ZBTB38: variants seen among roughly 807,000 people sequenced by gnomAD.
ZBTB38 encodes the protein zinc finger and BTB domain containing 38, also known as zinc finger and BTB domain-containing protein 38.
ZBTB38 carries 20 observed loss-of-function variants against 76.8 expected under a neutral mutation model. The ratio of observed to expected loss-of-function variants is 0.26; its 90% CI spans 0.18 to 0.38. The LOEUF (loss-of-function observed/expected upper bound fraction) is 0.38. Ranked by LOEUF, ZBTB38 falls within the 10% of genes least tolerant of loss-of-function variation. ZBTB38 has a pLI of 1.00. For synonymous variants in ZBTB38, 504 were observed against 544.2 expected (o/e 0.93, Z 1.03); for missense variants, 1,082 against 1,482.3 (o/e 0.73, Z 4.43).
At chr3:141,402,589 C>T (rs1952551381) in intron 4 of ZBTB38, 1 of 151,522 alleles carries the variant, frequency 6.6e-6, no homozygotes, top group Admixed American at 6.6e-5. Context: ...CTGGGGAAAC[C>T]CTCGCAAGGG....
intron 5 of ZBTB38, among the ~76,000 whole-genome samples, chr3:141,430,292 C>G (rs2077219992): frequency 6.6e-6 from 1 of 152,114 alleles, no homozygotes; most frequent in African/African-American, 2.4e-5. Flanking sequence ...GCCTTGAACT[C>G]CTGACCTCAG....
intron 4 of ZBTB38, among the ~76,000 whole-genome samples, chr3:141,393,368 C>T (rs76309653): frequency 6.6e-6 from 1 of 152,214 alleles, no homozygotes; most frequent in East Asian, 1.9e-4. Flanking sequence ...GAGGGCCTTA[C>T]AAGCCAGTGA....
At chr3:141,419,885 G>C (rs1239640273) in intron 5 of ZBTB38, among the ~76,000 whole-genome samples, 2 of 152,194 alleles carry the variant, frequency 1.3e-5, no homozygotes, top group African/African-American at 4.8e-5. Flanking sequence ...ACTCGGGAAG[G>C]CTGAGGCAGG....
At chr3:141,367,579 C>T (rs1024467920), upstream of ZBTB38, 1 of 152,260 alleles carries the variant, frequency 6.6e-6, no homozygotes, top group Non-Finnish European at 1.5e-5. Context: ...ACTCCAGCCA[C>T]TCAGCACCGT....
At chr3:141,340,435 C>T (rs1275837070) in intron 1 of ZBTB38, among the ~76,000 whole-genome samples, 17 of 152,096 alleles carry the variant, frequency 1.1e-4, no homozygotes, top group Admixed American at 6.5e-4. Context: ...GGTATAAAGA[C>T]GACTAAGAAG....
intron 5 of ZBTB38, among the ~76,000 whole-genome samples, chr3:141,438,538 A>G (rs1242163746): frequency 6.6e-6 from 1 of 152,050 alleles, no homozygotes; most frequent in African/African-American, 2.4e-5. Flanking sequence ...ATCCCACTTT[A>G]TTAGCTGGGA....
intron 5 of ZBTB38, among the ~76,000 whole-genome samples, chr3:141,436,503 A>T (rs1441153022): frequency 6.6e-6 from 1 of 151,454 alleles, no homozygotes; most frequent in Non-Finnish European, 1.5e-5. Flanking sequence ...AGCTATATTG[A>T]TTTTTTTTGT....
rs569863989 is a variant in ZBTB38, at chr3:141,333,491, A to C, written c.-739+9035A>C. Among the ~76,000 whole-genome samples the C allele has an allele frequency of 2.6e-5, 4 of 152,204 alleles. No individual in the cohort carries two copies. In the South Asian group the frequency reaches 8.3e-4, roughly 32 times the overall value. ...CAGCCACAGATGGCCTGCCACTCAG[A>C]TCACATTTGTGAGATGGAGGCTCAG... On this transcript the variant is annotated intron_variant, in intron 1 of 7. Transcript: ENST00000509842.
rs865977600 is a variant in ZBTB38, at chr3:141,443,287, C to T, written c.899C>T (p.Pro300Leu). The T allele has an allele frequency of 6.2e-7, 1 of 1,614,252 alleles. No homozygotes were observed. The highest frequency in any genetic ancestry group is 8.5e-7 in the Non-Finnish European group (1 of 1,180,040). ...LEVNQERSPQ[P>L]AAVLTRSKSP... The stretch of plus-strand genomic sequence containing the variant: ...GTTAATCAAGAAAGAAGTCCACAAC[C>T]AGCTGCTGTTCTCACTCGTTCAAAA... The change falls in exon 6 of 6, where the codon CCA becomes CTA. Residue 300 changes from proline to leucine, a missense_variant. Physicochemically the swap from Pro to Leu is moderately conservative, Grantham distance 98 (BLOSUM62 -3). This residue lies in a region of ZBTB38 where 324 missense variants were observed against 359.1 expected (regional missense o/e 0.90). Transcript: ENST00000321464. This position sits in a 1 kb window ranked among gnomAD's most constrained non-coding sequence, Gnocchi z 5.6.
At chr3:141,422,437 G>A (rs1406622157) in intron 5 of ZBTB38, among the ~76,000 whole-genome samples, 1 of 152,252 alleles carries the variant, frequency 6.6e-6, no homozygotes, top group Non-Finnish European at 1.5e-5. Context: ...GGACCAGGAT[G>A]AAGCTGTGAA....
At chr3:141,441,597 A>G (rs1055798958) in intron 5 of ZBTB38, among the ~76,000 whole-genome samples, 1 of 151,986 alleles carries the variant, frequency 6.6e-6, no homozygotes, top group African/African-American at 2.4e-5. Context: ...ACACCCTGCA[A>G]CTCTAGAGAT....
chr3:141,388,157 A>G (rs1947699347), intron 4 of ZBTB38: 1 of 152,114 alleles, frequency 6.6e-6, no homozygotes, highest in Non-Finnish European at 1.5e-5. Context: ...TTAGACAACA[A>G]AAGAATTTTT....
chr3:141,368,835 C>T (rs1195625524), intron 1 of ZBTB38, 31 bp downstream of exon 1: 1 of 152,004 alleles, frequency 6.6e-6, no homozygotes, highest in East Asian at 1.9e-4. Flanking sequence ...GGCCCCCCCT[C>T]ACTCAGCGCC....
rs781519956 is a variant in ZBTB38, at chr3:141,443,259, G to T, written c.871G>T (p.Glu291Ter). Residue 291 changes from glutamate (E) to a stop codon, truncating the protein, a stop_gained, in exon 6 of 6, where the codon GAG becomes TAG. Coordinates refer to ENST00000321464, the MANE Select transcript of ZBTB38 (RefSeq NM_001376113.1). LOFTEE classifies it high-confidence loss of function. This position sits in a 1 kb window ranked among gnomAD's most constrained non-coding sequence, Gnocchi z 5.6. ...ACCACCCCCTCCAGTATCCAACTTA[G>T]AGGTTAATCAAGAAAGAAGTCCACA... is the stretch of plus-strand genomic sequence containing the variant. ...NIPPPPVSNL[E>*]VNQERSPQPA... 3 of 1,614,174 alleles carry T rather than the reference G, an allele frequency of 1.9e-6. No individual in the cohort carries two copies. Among genetic ancestry groups the T allele is most frequent in the Non-Finnish European group, 2.5e-6 (3 of 1,180,008 alleles).
chr3:141,412,960 G>C (rs753211584), intron 5 of ZBTB38, among the ~76,000 whole-genome samples: 8 of 152,306 alleles, frequency 5.3e-5, no homozygotes, highest in Non-Finnish European at 1.0e-4. Context: ...TGCGTCTCCT[G>C]AGCCTATGAA....
intron 5 of ZBTB38, among the ~76,000 whole-genome samples, chr3:141,406,489 G>A (rs905603853): frequency 1.3e-5 from 2 of 152,216 alleles, no homozygotes; most frequent in South Asian, 2.1e-4. Context: ...AGGAAACTCA[G>A]AAGGAGGTAA....
intron 3 of ZBTB38, among the ~76,000 whole-genome samples, chr3:141,385,649 AGTGT>A (rs10617390): frequency 0.024 from 3,572 of 146,896 alleles, 40 homozygotes; most frequent in Non-Finnish European, 0.031. Context: ...TCGAGCTTTG[AGTGT>A]GTGTGTGTGT....
intron 1 of ZBTB38, among the ~76,000 whole-genome samples, chr3:141,347,218 C>A (rs554615858): frequency 5.4e-4 from 82 of 152,234 alleles, no homozygotes; most frequent in African/African-American, 1.8e-3. Context: ...GGGTTACAGA[C>A]AAAATGTGAG....
intron 1 of ZBTB38, among the ~76,000 whole-genome samples, chr3:141,363,232 G>T (rs1298589973): frequency 6.6e-6 from 1 of 152,146 alleles, no homozygotes; most frequent in Admixed American, 6.5e-5. Flanking sequence ...ACAAAACATT[G>T]CTGAAATAAA....
Sources: allele counts gnomAD v4.1 joint callset (sites outside exome capture counted in the v4.1 genomes callset), GRCh38; gene constraint gnomAD v4.1.1; regional missense constraint gnomAD v4.1.1; non-coding constraint Gnocchi (gnomAD v3.1); transcripts MANE v1.5; gene names NCBI Gene and HGNC (gene_info 2026-07-23, HGNC 2026-07-21).